Variants in RELN observed in about 807,000 individuals in gnomAD.
The protein encoded by RELN is reelin.
In RELN, 108 loss-of-function variants were observed where a neutral mutation model predicts 427.6. The ratio of observed to expected loss-of-function variants is 0.25; its 90% CI spans 0.22 to 0.30. The LOEUF (loss-of-function observed/expected upper bound fraction) is 0.30. Ranked by LOEUF, RELN falls within the 10% of genes least tolerant of loss-of-function variation. The probability of loss-of-function intolerance (pLI) is 1.00; values close to 1 mark genes in which losing one functional copy is unlikely to be tolerated. For synonymous variants in RELN, 1,524 were observed against 1,513.4 expected (o/e 1.01, Z -0.16); for missense variants, 3,715 against 4,302.8 (o/e 0.86, Z 3.82).
intron 2 of RELN, among the ~76,000 whole-genome samples, chr7:103,888,056 C>A: frequency 6.6e-6 from 1 of 152,030 alleles, no homozygotes; most frequent in East Asian, 1.9e-4. Context: ...ATTTTCACTA[C>A]CTTACCCTGC....
chr7:103,937,549 TG>T (rs1563101115), intron 1 of RELN, among the ~76,000 whole-genome samples: 1 of 152,204 alleles, frequency 6.6e-6, no homozygotes, highest in Non-Finnish European at 1.5e-5. Flanking sequence ...GTAAAAACCA[TG>T]TATGTCTTTA....
rs1270109681 is a variant in RELN at position 103,611,765 on chromosome 7, T to C, written c.2741A>G (p.Tyr914Cys). The C allele has an allele frequency of 1.2e-6, 2 of 1,614,000 alleles. No homozygotes were observed. The highest frequency in any genetic ancestry group is 3.3e-5 in the Admixed American group (2 of 60,010). The part of the protein sequence containing the change: ...GDSKLASSMR[Y>C]VETQSMQIGA... ...TATCTGCATTGATTGTGTTTCCACA[T>C]AGCGCATACTTGAGGCAAGTTTAGA... The change falls in exon 21 of 65, where the codon TAT becomes TGT. Residue 914 changes from tyrosine (Y) to cysteine (C), a missense_variant. Transcript: ENST00000428762.
chr7:103,668,958 CTATT>C (rs1263778996), intron 11 of RELN, among the ~76,000 whole-genome samples: 2 of 152,132 alleles, frequency 1.3e-5, no homozygotes, highest in African/African-American at 4.8e-5. Context: ...AAAGAACCTT[CTATT>C]TAAGTGAGAA....
chr7:103,623,454 T>G (rs750563931), intron 20 of RELN, among the ~76,000 whole-genome samples: 2 of 152,232 alleles, frequency 1.3e-5, no homozygotes, highest in Non-Finnish European at 2.9e-5. Flanking sequence ...TTCTATAGGT[T>G]GATTCATTTT....
intron 36 of RELN, among the ~76,000 whole-genome samples, chr7:103,558,897 CAACT>C (rs1414023552): frequency 2.6e-5 from 4 of 152,176 alleles, no homozygotes; most frequent in Non-Finnish European, 5.9e-5. Context: ...GATTTCTCAT[CAACT>C]AACAAAGGCC....
intron 4 of RELN, among the ~76,000 whole-genome samples, chr7:103,754,484 A>G (rs1791084025): frequency 6.6e-6 from 1 of 152,000 alleles, no homozygotes; most frequent in South Asian, 2.1e-4. Context: ...TGTAAGGTAT[A>G]AAGTGAGGCT....
chr7:103,555,580 T>G (rs1281890252), intron 38 of RELN, among the ~76,000 whole-genome samples: 3 of 152,182 alleles, frequency 2.0e-5, no homozygotes, highest in Non-Finnish European at 4.4e-5. Flanking sequence ...TCAGTGATTC[T>G]CCTGCCTCAG....
At chr7:103,854,139 A>G (rs1197436857) in intron 2 of RELN, among the ~76,000 whole-genome samples, 1 of 152,138 alleles carries the variant, frequency 6.6e-6, no homozygotes, top group African/African-American at 2.4e-5. Context: ...AAAATTCATT[A>G]TTTTCTAAAG....
Position 103,542,788 on chromosome 7 carries a change from A to G in RELN, c.6614T>C (p.Phe2205Ser). The change falls in exon 43 of 65, where the codon TTC becomes TCC. Residue 2205 changes from phenylalanine (F) to serine (S), a missense_variant. This residue lies in a region of RELN where 1,310 missense variants were observed against 1,643.0 expected (regional missense o/e 0.80). Coordinates refer to ENST00000428762, the MANE Select transcript of RELN (RefSeq NM_005045.4). ...GILSSGNNLF[F>S]NEDGLRMLMT... The stretch of plus-strand genomic sequence containing the variant: ...CAACATGCGCAAGCCATCTTCATTG[A>G]AAAAGAGGTTGTTTCCACTAGAAAG... 6.2e-7 allele frequency: 1 copy of G among 1,614,184 alleles called. No individual in the cohort carries two copies. The highest frequency in any genetic ancestry group is 8.5e-7 in the Non-Finnish European group (1 of 1,180,022).
chr7:103,487,458 TAAA>T (rs11371972), intron 60 of RELN, among the ~76,000 whole-genome samples: 3 of 128,086 alleles, frequency 2.3e-5, no homozygotes, highest in Non-Finnish European at 3.3e-5. Flanking sequence ...GTTGTTACAG[TAAA>T]AAAAAAAAAA....
intron 6 of RELN, among the ~76,000 whole-genome samples, chr7:103,734,732 T>TTTGCG (rs1224576021): frequency 4.6e-5 from 7 of 152,290 alleles, no homozygotes; most frequent in African/African-American, 1.7e-4. Context: ...TCCAATATTG[T>TTTGCG]TTGCGTTCTG....
Position 103,611,809 on chromosome 7 carries a change from AG to A in RELN, c.2703-7del. ...GTTTAGAATCTCCTGTAAAACTGAA[AG>A]AGACAGAGATGGAAATCAGAAAATT... is the stretch of plus-strand genomic sequence containing the variant. On this transcript the variant is annotated splice_polypyrimidine_tract_variant and splice_region_variant and intron_variant, in intron 20 of 64. Transcript: ENST00000428762. 6.2e-7 allele frequency: 1 copy of A among 1,611,570 alleles called. No individual in the cohort carries two copies. Among genetic ancestry groups the A allele is most frequent in the Non-Finnish European group, 8.5e-7 (1 of 1,177,780 alleles).
chr7:103,984,940 G>C (rs909596647), intron 1 of RELN, among the ~76,000 whole-genome samples: 1 of 152,066 alleles, frequency 6.6e-6, no homozygotes, highest in Non-Finnish European at 1.5e-5. Flanking sequence ...ATATCATCTG[G>C]TATTTGAAAG....
chr7:103,765,056 C>T lies in RELN; in HGVS notation c.544+11501G>A, dbSNP rs192722957. On this transcript the variant is annotated intron_variant, in intron 4 of 64. Transcript: ENST00000428762. The stretch of plus-strand genomic sequence containing the variant: ...TAGAGGCCAGATGGCAGGGTTAGGA[C>T]GAAAGCCTGGCGACACACACTGCTC... Among the ~76,000 whole-genome samples, 54 of 152,106 alleles carry T rather than the reference C, an allele frequency of 3.6e-4. 1 individual carries two copies. The East Asian group carries it at 8.5e-3, about 24-fold the overall frequency.
chr7:103,698,731 T>G (rs565581427), intron 9 of RELN, among the ~76,000 whole-genome samples: 1 of 152,152 alleles, frequency 6.6e-6, no homozygotes, highest in African/African-American at 2.4e-5. Flanking sequence ...CCTGGGCTGG[T>G]CTCAAACTCC....
chr7:103,621,852 C>G (rs890756200), intron 20 of RELN, among the ~76,000 whole-genome samples: 1 of 151,978 alleles, frequency 6.6e-6, no homozygotes, highest in Middle Eastern at 3.2e-3. Context: ...CTTGTTTCTA[C>G]TAAAAATACA....
intron 63 of RELN, among the ~76,000 whole-genome samples, chr7:103,479,830 C>T (rs1035841397): frequency 6.6e-6 from 1 of 152,248 alleles, no homozygotes; most frequent in African/African-American, 2.4e-5. Flanking sequence ...ATGGGCAGTA[C>T]TGAGGTTAAA....
intron 3 of RELN, among the ~76,000 whole-genome samples, chr7:103,790,872 G>A (rs1792145791): frequency 6.6e-6 from 1 of 152,122 alleles, no homozygotes; most frequent in African/African-American, 2.4e-5. Flanking sequence ...TGAGGCAGAA[G>A]AATCGCTTGA....
intron 16 of RELN, among the ~76,000 whole-genome samples, chr7:103,645,830 C>T (rs992191669): frequency 1.3e-5 from 2 of 151,850 alleles, no homozygotes; most frequent in African/African-American, 4.8e-5. Context: ...ACAGAATATA[C>T]ATTTTTCTCA....
Sources: gnomAD v4.1 joint callset for allele counts (sites outside exome capture counted in the v4.1 genomes callset) on GRCh38, gnomAD v4.1.1 for gene constraint, gnomAD v4.1.1 regional missense constraint, MANE v1.5 for transcripts, NCBI Gene and HGNC (gene_info 2026-07-23, HGNC 2026-07-21) for gene names.